The following KIRREL3 variants were observed in gnomAD, a reference collection of about 807,000 sequenced individuals.
The protein encoded by KIRREL3 is kin of IRRE-like protein 3.
In KIRREL3, 36 loss-of-function variants were observed where a neutral mutation model predicts 89.7. The observed-to-expected ratio is 0.40, with a 90% CI of 0.31 to 0.53. KIRREL3 has a LOEUF of 0.53. KIRREL3 is among the 20% of genes least tolerant of loss of function. The pLI, the probability that KIRREL3 is intolerant of heterozygous loss-of-function variation, is 0.49. For missense variants in KIRREL3, 864 were observed against 1,056.6 expected, an observed-to-expected ratio of 0.82 and a Z score of 2.53; for synonymous variants, 445 against 441.4, an observed-to-expected ratio of 1.01 and a Z score of -0.10.
At chr11:126,580,720 C>T (rs532218268) in intron 1 of KIRREL3, among the ~76,000 whole-genome samples, 32 of 152,278 alleles carry the variant, frequency 2.1e-4, no homozygotes, top group Non-Finnish European at 3.7e-4. Context: ...GCCAGGACTG[C>T]TCTGCCCTGT....
chr11:126,491,691 T>TTTTTTTC lies in KIRREL3; in HGVS notation c.434-18232_434-18226dup, dbSNP rs993288136. ...CCACACACAGATTTGGATGTTTTTCTTTTTTTCTTTTTTCTTTTTTTTTAT... is the reference window on the plus strand; with the variant it reads ...CCACACACAGATTTGGATGTTTTTCTTTTTTTCTTTTTTCTTTTTTCTTTTTTTTTAT... On this transcript the variant is annotated intron_variant, in intron 4 of 16. Transcript: ENST00000525144. This position sits in a 1 kb window ranked among gnomAD's most constrained non-coding sequence, Gnocchi z 5.5. Among the ~76,000 whole-genome samples the TTTTTTTC allele has an allele frequency of 6.6e-6, 1 of 152,128 alleles. No homozygotes were observed. The highest frequency in any genetic ancestry group is 1.5e-5 in the Non-Finnish European group (1 of 68,022).
chr11:126,842,081 C>T (rs1306561204), intron 1 of KIRREL3, among the ~76,000 whole-genome samples: 1 of 151,968 alleles, frequency 6.6e-6, no homozygotes, highest in Non-Finnish European at 1.5e-5. Flanking sequence ...AGAGGCACGG[C>T]AGAGGAGAGA....
intron 1 of KIRREL3, among the ~76,000 whole-genome samples, chr11:126,583,223 A>T (rs1941650116): frequency 6.6e-6 from 1 of 152,126 alleles, no homozygotes; most frequent in Non-Finnish European, 1.5e-5. Context: ...ACTGTTTCTG[A>T]GCCAAGGGTA....
At chr11:126,688,006 C>T (rs569913778) in intron 1 of KIRREL3, among the ~76,000 whole-genome samples, 2 of 152,312 alleles carry the variant, frequency 1.3e-5, no homozygotes, top group African/African-American at 2.4e-5. Context: ...ATTTTATTTA[C>T]GAAAATGTCA....
At chr11:126,944,176 T>C (rs953846545) in intron 1 of KIRREL3, 2 of 152,202 alleles carry the variant, frequency 1.3e-5, no homozygotes, top group African/African-American at 4.8e-5. Context: ...ATTATATCTC[T>C]CCACCACTGT....
rs796660414 is a variant in KIRREL3 at position 126,528,200 on chromosome 11, C to T, written c.134-1513G>A. On this transcript the variant is annotated intron_variant, in intron 2 of 16. Coordinates refer to ENST00000525144, the MANE Select transcript of KIRREL3 (RefSeq NM_032531.4). This position sits in a 1 kb window ranked among gnomAD's most constrained non-coding sequence, Gnocchi z 4.6. ...CTAACCGAGGCAAAACTGGACCTGG[C>T]GCTCCAGCTGCTGATGCTGTGGCCT... Among the ~76,000 whole-genome samples the T allele has an allele frequency of 3.3e-4, 51 of 152,322 alleles. No homozygotes were observed. The highest frequency in any genetic ancestry group is 1.1e-3 in the African/African-American group (47 of 41,572).
chr11:126,714,580 G>A (rs1947885162), intron 1 of KIRREL3, among the ~76,000 whole-genome samples: 3 of 152,304 alleles, frequency 2.0e-5, no homozygotes, highest in Middle Eastern at 6.8e-3. Flanking sequence ...CACATGATAG[G>A]TATGGGGCTG....
intron 1 of KIRREL3, among the ~76,000 whole-genome samples, chr11:126,849,494 G>A (rs967725573): frequency 1.3e-5 from 2 of 152,120 alleles, no homozygotes; most frequent in African/African-American, 2.4e-5. Context: ...AACCCTCTCT[G>A]GATTGAGGCC....
At chr11:126,984,445 G>A (rs961528756) in intron 1 of KIRREL3, among the ~76,000 whole-genome samples, 5 of 152,036 alleles carry the variant, frequency 3.3e-5, no homozygotes, top group East Asian at 1.9e-4. Flanking sequence ...GGGGGCAGAC[G>A]GACACTTCAT....
chr11:126,816,550 C>A (rs1565322253), intron 1 of KIRREL3, among the ~76,000 whole-genome samples: 1 of 152,178 alleles, frequency 6.6e-6, no homozygotes, highest in Non-Finnish European at 1.5e-5. Context: ...GAAATAAAGT[C>A]CTGGCTATGT....
chr11:126,718,763 G>A (rs2134164397), intron 1 of KIRREL3, among the ~76,000 whole-genome samples: 1 of 151,822 alleles, frequency 6.6e-6, no homozygotes. Flanking sequence ...AAGTTCACCA[G>A]GGGCAGGGAA....
chr11:126,922,459 ACTC>A (rs1249474922), intron 1 of KIRREL3, among the ~76,000 whole-genome samples: 1 of 151,450 alleles, frequency 6.6e-6, no homozygotes, highest in Non-Finnish European at 1.5e-5. Context: ...CCATCTCCAA[ACTC>A]ATCATCGTGT....
intron 4 of KIRREL3, among the ~76,000 whole-genome samples, chr11:126,511,266 G>C (rs1958210045): frequency 6.6e-6 from 1 of 151,928 alleles, no homozygotes; most frequent in Admixed American, 6.6e-5. Context: ...AGAGGTTGCA[G>C]TGAGCTGAGA....
intron 2 of KIRREL3, among the ~76,000 whole-genome samples, chr11:126,543,613 T>G (rs1281748518): frequency 6.6e-6 from 1 of 152,104 alleles, no homozygotes; most frequent in Non-Finnish European, 1.5e-5. Context: ...GCCCCCTACC[T>G]GCCCCCAGCT....
intron 1 of KIRREL3, among the ~76,000 whole-genome samples, chr11:126,861,685 A>C (rs540874397): frequency 6.6e-6 from 1 of 152,382 alleles, no homozygotes; most frequent in South Asian, 2.1e-4. Context: ...TGTAAATTAC[A>C]GAGAGCTATG....
At position 126,587,090 on chromosome 11, in the gene KIRREL3, A is replaced by C. The variant is rs984788175; in HGVS notation, c.56-24178T>G. Among the ~76,000 whole-genome samples the C allele has an allele frequency of 1.6e-4, 24 of 152,188 alleles. No individual in the cohort carries two copies. The highest frequency in any genetic ancestry group is 5.3e-4 in the African/African-American group (22 of 41,442). ...ATGAATAAACAGGCAACGACGATGC[A>C]GTGTGATGGATGCTCCAGTGGAAGA... On this transcript the variant is annotated intron_variant, in intron 1 of 16. Transcript: ENST00000525144. This position sits in a 1 kb window ranked among gnomAD's most constrained non-coding sequence, Gnocchi z 5.2.
chr11:126,460,193 G>T (rs1442112439), intron 6 of KIRREL3, among the ~76,000 whole-genome samples: 15 of 152,182 alleles, frequency 9.9e-5, no homozygotes, highest in Non-Finnish European at 1.5e-5. Context: ...CAGGCTAGGG[G>T]CGGTGAGCGC....
chr11:126,912,255 C>T lies in KIRREL3; in HGVS notation c.55+88200G>A, dbSNP rs1282663031. Among the ~76,000 whole-genome samples, 1 of 152,122 alleles carries T rather than the reference C, an allele frequency of 6.6e-6. No homozygotes were observed. The highest frequency in any genetic ancestry group is 1.5e-5 in the Non-Finnish European group (1 of 68,018). ...CCTGGAGATGTGCAGATACCCTTCA[C>T]CTTCAAGCAGGCTAAACCGGCCGAG... On this transcript the variant is annotated intron_variant, in intron 1 of 16. Coordinates refer to ENST00000525144, the MANE Select transcript of KIRREL3 (RefSeq NM_032531.4). This position sits in a 1 kb window ranked among gnomAD's most constrained non-coding sequence, Gnocchi z 4.7.
rs59392843 is a variant in KIRREL3, at chr11:126,552,550, G to GTTTTTTTTTTTTT, written c.133+10272_133+10284dup. Among the ~76,000 whole-genome samples, 21 of 81,768 alleles carry GTTTTTTTTTTTTT rather than the reference G, an allele frequency of 2.6e-4. 1 individual carries two copies. The highest frequency in any genetic ancestry group is 5.5e-4 in the African/African-American group (13 of 23,494). 53.6% of individuals were successfully genotyped at this position (81,768 alleles called of 152,430 possible). ...TGCATCACACAGGGGAGAGAGAAAA[G>GTTTTTTTTTTTTT]TTTTTTTTTTTTTTTTTTTTTTTTT... On this transcript the variant is annotated intron_variant, in intron 2 of 16. Coordinates refer to ENST00000525144, the MANE Select transcript of KIRREL3 (RefSeq NM_032531.4).
Sources: allele counts gnomAD v4.1 joint callset (sites outside exome capture counted in the v4.1 genomes callset), GRCh38; gene constraint gnomAD v4.1.1; non-coding constraint Gnocchi (gnomAD v3.1); transcripts MANE v1.5; gene names NCBI Gene and HGNC (gene_info 2026-07-23, HGNC 2026-07-21).